GPC5: variants seen among roughly 807,000 people sequenced by gnomAD.
GPC5 encodes glypican 5.
A neutral mutation model predicts 53.9 loss-of-function variants in GPC5; 47 were observed. The ratio of observed to expected loss-of-function variants is 0.87; its 90% confidence interval spans 0.69 to 1.11. GPC5 has a LOEUF of 1.11. GPC5 is among the 50% of genes most tolerant of loss of function. The pLI is 0.00. For missense variants in GPC5, 748 were observed against 713.1 expected, an observed-to-expected ratio of 1.05 and a Z score of -0.56; for synonymous variants, 286 against 263.3, an observed-to-expected ratio of 1.09 and a Z score of -0.84.
chr13:91,840,973 C>A (rs1410695697), intron 5 of GPC5, among the ~76,000 whole-genome samples: 1 of 151,220 alleles, frequency 6.6e-6, no homozygotes, highest in Admixed American at 6.6e-5. Context: ...TCCCTGAGAA[C>A]CAGAAAAAAT....
chr13:91,414,582 A>T (rs765624548), intron 1 of GPC5, among the ~76,000 whole-genome samples: 1 of 152,234 alleles, frequency 6.6e-6, no homozygotes, highest in Non-Finnish European at 1.5e-5. Flanking sequence ...TCAAGGGACA[A>T]TGAAGACAAA....
intron 6 of GPC5, among the ~76,000 whole-genome samples, chr13:92,091,053 G>C (rs973453297): frequency 6.6e-6 from 1 of 152,108 alleles, no homozygotes; most frequent in African/African-American, 2.4e-5. Flanking sequence ...ACCTTGTTTT[G>C]GACTTCCCAG....
intron 6 of GPC5, among the ~76,000 whole-genome samples, chr13:92,143,724 CTAAG>C (rs1202190502): frequency 6.6e-6 from 1 of 152,104 alleles, no homozygotes; most frequent in Non-Finnish European, 1.5e-5. Flanking sequence ...GTTACTTAAT[CTAAG>C]TGTTTGTAAC....
rs538608903 is a variant in GPC5, at chr13:92,819,584, T to C, written c.1562-46698T>C. Among the ~76,000 whole-genome samples the C allele has an allele frequency of 7.2e-5, 11 of 152,326 alleles. No homozygotes were observed. In the South Asian group the frequency reaches 2.3e-3, roughly 32 times the overall value. ...TAAATTACTTTTTTTGAATAAAATT[T>C]TCTTTTAAGCATCCATTGATTTTTT... On this transcript the variant is annotated intron_variant, in intron 7 of 7. Coordinates refer to ENST00000377067, the MANE Select transcript of GPC5 (RefSeq NM_004466.6).
chr13:91,468,434 G>T (rs1882385357), intron 2 of GPC5, among the ~76,000 whole-genome samples: 1 of 152,052 alleles, frequency 6.6e-6, no homozygotes, highest in Non-Finnish European at 1.5e-5. Flanking sequence ...ATTAGAGTGG[G>T]CCCACTCCAA....
At chr13:91,902,801 G>A (rs1172341614) in intron 5 of GPC5, among the ~76,000 whole-genome samples, 1 of 151,926 alleles carries the variant, frequency 6.6e-6, no homozygotes, top group African/African-American at 2.4e-5. Flanking sequence ...GGGAAGTGAG[G>A]TTTTATATCA....
At chr13:92,467,109 T>C (rs1878723723) in intron 7 of GPC5, among the ~76,000 whole-genome samples, 1 of 152,110 alleles carries the variant, frequency 6.6e-6, no homozygotes, top group South Asian at 2.1e-4. Flanking sequence ...TGATCGGATA[T>C]GTGAGCAAGC....
intron 7 of GPC5, among the ~76,000 whole-genome samples, chr13:92,722,048 T>G (rs564344431): frequency 6.6e-6 from 1 of 152,130 alleles, no homozygotes; most frequent in African/African-American, 2.4e-5. Flanking sequence ...AACTTTTGCC[T>G]ATATATCTCA....
At chr13:91,772,754 A>G (rs1542158) in intron 5 of GPC5, among the ~76,000 whole-genome samples, 61,898 of 151,962 alleles carry the variant, frequency 0.41, 14,529 homozygotes, top group East Asian at 0.87. Context: ...AGTGGTCTCC[A>G]AAGTGTGGTC....
At position 92,568,810 on chromosome 13, in the gene GPC5, T is replaced by TA. The variant is rs573387320; in HGVS notation, c.1562-297471dup. ...AAATCAGTGCACAGAGAGGTTAAGT[T>TA]ACTTGCCCAACATCCAGCAGCAAGC... On this transcript the variant is annotated intron_variant, in intron 7 of 7. Transcript: ENST00000377067. Among the ~76,000 whole-genome samples the TA allele has an allele frequency of 1.7e-4, 26 of 152,248 alleles. No homozygotes were observed. The South Asian group carries it at 5.0e-3, about 29-fold the overall frequency.
At position 92,532,543 on chromosome 13, in the gene GPC5, A is replaced by C. The variant is rs139118784; in HGVS notation, c.1562-333739A>C. On this transcript the variant is annotated intron_variant, in intron 7 of 7. Coordinates refer to ENST00000377067, the MANE Select transcript of GPC5 (RefSeq NM_004466.6). Reference sequence around the variant, plus strand: ...ATACAAAACACTGTATGTGACACCAAATAGGATTGCTGCAAGCTGGCACCA... The same window carrying C: ...ATACAAAACACTGTATGTGACACCACATAGGATTGCTGCAAGCTGGCACCA... 7.3e-3 allele frequency among the ~76,000 whole-genome samples: 1,117 copies of C among 152,290 alleles called. 8 individuals are homozygous for C. The highest frequency in any genetic ancestry group is 8.2e-3 in the Non-Finnish European group (555 of 68,010).
intron 2 of GPC5, among the ~76,000 whole-genome samples, chr13:91,571,710 G>A (rs1314019351): frequency 7.0e-6 from 1 of 143,064 alleles, no homozygotes; most frequent in African/African-American, 2.7e-5. Flanking sequence ...ACATGACAGA[G>A]CAAGACTCTG....
intron 1 of GPC5, among the ~76,000 whole-genome samples, chr13:91,444,344 C>CT (rs1880637487): frequency 6.6e-6 from 1 of 151,892 alleles, no homozygotes; most frequent in African/African-American, 2.4e-5. Flanking sequence ...AGTTTTTGAT[C>CT]TTTTTTGGAG....
At chr13:92,096,481 G>A (rs1188465796) in intron 6 of GPC5, among the ~76,000 whole-genome samples, 1 of 152,176 alleles carries the variant, frequency 6.6e-6, no homozygotes, top group Non-Finnish European at 1.5e-5. Flanking sequence ...GTTACATGGT[G>A]CCATGGTATG....
At chr13:92,211,100 T>C (rs2042371596) in intron 7 of GPC5, among the ~76,000 whole-genome samples, 1 of 152,158 alleles carries the variant, frequency 6.6e-6, no homozygotes, top group African/African-American at 2.4e-5. Context: ...CTCAGACATG[T>C]AATAAATAGG....
chr13:92,533,981 C>T (rs976729521), intron 7 of GPC5, among the ~76,000 whole-genome samples: 5 of 152,044 alleles, frequency 3.3e-5, no homozygotes, highest in Admixed American at 6.6e-5. Flanking sequence ...ACTACTTGGG[C>T]GCTGATACTA....
chr13:92,404,494 G>T (rs1875706428), intron 7 of GPC5, among the ~76,000 whole-genome samples: 1 of 152,164 alleles, frequency 6.6e-6, no homozygotes, highest in Non-Finnish European at 1.5e-5. Context: ...GTATCCAGCA[G>T]AATGCCTTGC....
At chr13:92,391,046 G>A (rs1332369923) in intron 7 of GPC5, among the ~76,000 whole-genome samples, 1 of 151,834 alleles carries the variant, frequency 6.6e-6, no homozygotes, top group Non-Finnish European at 1.5e-5. Context: ...TTTTCTTCAG[G>A]TACTTTTTTG....
chr13:92,803,553 G>A (rs1474587917), intron 7 of GPC5, among the ~76,000 whole-genome samples: 1 of 151,710 alleles, frequency 6.6e-6, no homozygotes, highest in African/African-American at 2.4e-5. Flanking sequence ...TCTTGCTCTA[G>A]TCTCCTCGAA....
Sources: gnomAD v4.1 joint callset for allele counts (sites outside exome capture counted in the v4.1 genomes callset) on GRCh38, gnomAD v4.1.1 for gene constraint, MANE v1.5 for transcripts, NCBI Gene and HGNC (gene_info 2026-07-23, HGNC 2026-07-21) for gene names.